Variants in TLK2 observed in about 807,000 individuals in gnomAD.
TLK2 encodes serine/threonine-protein kinase tousled-like 2.
In TLK2, 6 loss-of-function variants were observed where a neutral mutation model predicts 117.3. The observed-to-expected ratio is 0.05, with a 90% confidence interval of 0.03 to 0.10. The LOEUF (loss-of-function observed/expected upper bound fraction) is 0.10. Ranked by LOEUF, TLK2 falls within the 10% of genes least tolerant of loss-of-function variation. The pLI, the probability that TLK2 is intolerant of heterozygous loss-of-function variation, is 1.00. For synonymous variants in TLK2, 257 were observed against 316.7 expected, an observed-to-expected ratio of 0.81 and a Z score of 2.00; for missense variants, 299 against 901.2, an observed-to-expected ratio of 0.33 and a Z score of 8.56.
chr17:62,476,138 C>T (rs2071038151), upstream of TLK2, among the ~76,000 whole-genome samples: 1 of 151,944 alleles, frequency 6.6e-6, no homozygotes, highest in Non-Finnish European at 1.5e-5. Context: ...TACCACTATG[C>T]CGAGCTAATT....
At chr17:62,529,773 A>G (rs182144206) in intron 6 of TLK2, among the ~76,000 whole-genome samples, 14 of 152,098 alleles carry the variant, frequency 9.2e-5, no homozygotes, top group Non-Finnish European at 1.6e-4. Context: ...TTTTTTATTT[A>G]TCTTGCCTGT....
intron 17 of TLK2, among the ~76,000 whole-genome samples, chr17:62,600,054 G>A (rs959758450): frequency 2.0e-5 from 3 of 152,202 alleles, no homozygotes; most frequent in Admixed American, 6.5e-5. Context: ...AAGAGAAATT[G>A]TAGTGCAGTA....
upstream of TLK2, among the ~76,000 whole-genome samples, chr17:62,475,419 T>C (rs1446761646): frequency 1.3e-5 from 2 of 152,112 alleles, no homozygotes; most frequent in African/African-American, 4.8e-5. Context: ...CTCGGCTCAC[T>C]GCAACCTTCG....
At chr17:62,538,180 C>T (rs1203981933) in intron 7 of TLK2, among the ~76,000 whole-genome samples, 1 of 151,566 alleles carries the variant, frequency 6.6e-6, no homozygotes, top group African/African-American at 2.4e-5. Flanking sequence ...GGACTACAGG[C>T]ACCCGCCACC....
intron 7 of TLK2, among the ~76,000 whole-genome samples, chr17:62,549,419 A>AAAAAAAAAAAAAAC (rs2078238813): frequency 1.3e-4 from 1 of 7,746 alleles, no homozygotes; most frequent in Non-Finnish European, 4.8e-4. Flanking sequence ...AAAAAAAAAA[A>AAAAAAAAAAAAAAC]AAAAAAAAAA....
chr17:62,497,277 A>G (rs1277378097), intron 2 of TLK2, among the ~76,000 whole-genome samples: 1 of 152,168 alleles, frequency 6.6e-6, no homozygotes, highest in African/African-American at 2.4e-5. Flanking sequence ...CTCAGAAAAA[A>G]AAAATTCTGT....
chr17:62,486,449 C>T (rs1160345653), intron 2 of TLK2, among the ~76,000 whole-genome samples: 3 of 152,122 alleles, frequency 2.0e-5, no homozygotes, highest in Admixed American at 6.6e-5. Context: ...CGTGAGCCAC[C>T]GCGCCTGGCC....
At chr17:62,589,013 T>G (rs1244732725) in intron 16 of TLK2, among the ~76,000 whole-genome samples, 1 of 152,194 alleles carries the variant, frequency 6.6e-6, no homozygotes, top group South Asian at 2.1e-4. Flanking sequence ...CCATCTGGAA[T>G]CAAGACATTT....
At chr17:62,589,060 TAAAA>T (rs1306476590) in intron 16 of TLK2, among the ~76,000 whole-genome samples, 1 of 151,952 alleles carries the variant, frequency 6.6e-6, no homozygotes, top group Non-Finnish European at 1.5e-5. Flanking sequence ...CAAAAGAAAA[TAAAA>T]GGTGTTTGTT....
upstream of TLK2, among the ~76,000 whole-genome samples, chr17:62,474,582 TTTTTA>T: frequency 6.6e-6 from 1 of 151,108 alleles, no homozygotes; most frequent in Admixed American, 6.6e-5. Flanking sequence ...GCTAATTTTT[TTTTTA>T]TTTTTAGTAG....
At chr17:62,590,351 A>G (rs2081983306) in intron 16 of TLK2, among the ~76,000 whole-genome samples, 1 of 152,036 alleles carries the variant, frequency 6.6e-6, no homozygotes, top group African/African-American at 2.4e-5. Flanking sequence ...AGGAAGGAGA[A>G]TTGCTTGAAC....
chr17:62,585,999 C>A (rs1040988218), intron 15 of TLK2, 136 bp from the exon 16 acceptor site: 11 of 600,354 alleles, frequency 1.8e-5, no homozygotes, highest in Non-Finnish European at 3.2e-5. Context: ...GTGCTTGCAA[C>A]ACTGATATAA....
At chr17:62,565,668 A>G (rs1238428154) in intron 11 of TLK2, among the ~76,000 whole-genome samples, 1 of 151,664 alleles carries the variant, frequency 6.6e-6, no homozygotes, top group Admixed American at 6.6e-5. Context: ...AAAAAAAAAA[A>G]AGAATGAGTT....
intron 2 of TLK2, among the ~76,000 whole-genome samples, chr17:62,499,946 C>A (rs2144936326): frequency 6.6e-6 from 1 of 151,968 alleles, no homozygotes; most frequent in Admixed American, 6.6e-5. Flanking sequence ...AAGATTAGAA[C>A]AAAATTCTTA....
At chr17:62,501,152 G>A (rs1033998691) in intron 2 of TLK2, among the ~76,000 whole-genome samples, 6 of 152,070 alleles carry the variant, frequency 3.9e-5, no homozygotes, top group African/African-American at 1.4e-4. Context: ...GCAGGAGAAT[G>A]GTGTGAACCT....
intron 19 of TLK2, among the ~76,000 whole-genome samples, chr17:62,603,095 G>A (rs966606384): frequency 1.3e-5 from 2 of 152,170 alleles, no homozygotes; most frequent in East Asian, 3.8e-4. Flanking sequence ...TGTACCCTAG[G>A]GAAGGTGGTC....
chr17:62,487,618 A>ATGTTT (rs1438330069), intron 2 of TLK2, among the ~76,000 whole-genome samples: 4 of 97,256 alleles, frequency 4.1e-5, no homozygotes, highest in South Asian at 4.5e-4. Context: ...CTTGGCAAGT[A>ATGTTT]TCTTTTTTTT....
chr17:62,614,186 C>G lies in TLK2; in HGVS notation c.*1621C>G, dbSNP rs1377262830. On this transcript the variant is annotated 3_prime_UTR_variant, in exon 22 of 22. Transcript: ENST00000346027. The stretch of plus-strand genomic sequence containing the variant: ...TCAAATATGAACATTCTTTTGGCAC[C>G]AATTTTCTTTTTTAATTTGGTTGTT... The G allele has an allele frequency of 6.6e-6, 1 of 150,676 alleles. No homozygotes were observed. Among genetic ancestry groups the G allele is most frequent in the Admixed American group, 6.6e-5 (1 of 15,130 alleles). 9.3% of individuals were successfully genotyped at this position (150,676 alleles called of 1,614,324 possible).
intron 13 of TLK2, among the ~76,000 whole-genome samples, chr17:62,577,461 A>G (rs563042697): frequency 2.0e-5 from 3 of 152,220 alleles, no homozygotes; most frequent in Admixed American, 6.5e-5. Context: ...ATCACATAGC[A>G]GCTCTTATTC....
Sources: allele counts gnomAD v4.1 joint callset (sites outside exome capture counted in the v4.1 genomes callset), GRCh38; gene constraint gnomAD v4.1.1; transcripts MANE v1.5; gene names NCBI Gene and HGNC (gene_info 2026-07-23, HGNC 2026-07-21).